NCKAP5: variants seen among roughly 807,000 people sequenced by gnomAD.
NCKAP5 encodes nck-associated protein 5.
NCKAP5 carries 92 observed loss-of-function variants against 167.0 expected under a neutral mutation model. That is an observed-to-expected ratio of 0.55 (90% CI 0.47 to 0.66). NCKAP5 has a LOEUF of 0.66. Among genes scored for constraint, NCKAP5 ranks in the 30% least tolerant of loss-of-function variants. The pLI is 0.00. For synonymous variants in NCKAP5, 891 were observed against 877.4 expected (o/e 1.02, Z -0.27); for missense variants, 2,378 against 2,315.0 (o/e 1.03, Z -0.56).
rs891324678 is a variant in NCKAP5, at chr2:133,058,124, G to GA, written c.342-63886dup. Among the ~76,000 whole-genome samples the GA allele has an allele frequency of 8.2e-4, 121 of 147,634 alleles. 1 individual carries two copies. Among genetic ancestry groups the GA allele is most frequent in the Admixed American group, 2.3e-3 (34 of 14,830 alleles). ...ACCCAGTGTTGAGACCTACTGCTTAGAAAAAAAAAAATTCCTTTCAAAATA... is the reference window on the plus strand; with the variant it reads ...ACCCAGTGTTGAGACCTACTGCTTAGAAAAAAAAAAAATTCCTTTCAAAATA... On this transcript the variant is annotated intron_variant, in intron 6 of 19. Coordinates refer to ENST00000409261, the MANE Select transcript of NCKAP5 (RefSeq NM_207363.3).
At chr2:133,459,540 A>C (rs1692075047) in intron 3 of NCKAP5, among the ~76,000 whole-genome samples, 1 of 152,186 alleles carries the variant, frequency 6.6e-6, no homozygotes, top group Admixed American at 6.5e-5. Flanking sequence ...CCTATGTATA[A>C]AGAAATATAC....
In NCKAP5 at chr2:133,148,034, C is replaced by T. The variant is rs78254721; in HGVS notation, c.208-17923G>A. Among the ~76,000 whole-genome samples the T allele has an allele frequency of 4.6e-3, 702 of 152,176 alleles. 1 individual carries two copies. The highest frequency in any genetic ancestry group is 0.016 in the African/African-American group (658 of 41,518). On this transcript the variant is annotated intron_variant, in intron 5 of 19. Coordinates refer to ENST00000409261, the MANE Select transcript of NCKAP5 (RefSeq NM_207363.3). ...GCAAATGTAATTGAGCCTCTAATAGCTGCTACTGATAGTAATTAAAGAAAT... is the reference window on the plus strand; with the variant it reads ...GCAAATGTAATTGAGCCTCTAATAGTTGCTACTGATAGTAATTAAAGAAAT...
intron 3 of NCKAP5, among the ~76,000 whole-genome samples, chr2:133,406,774 T>C (rs1183774042): frequency 1.3e-5 from 2 of 152,224 alleles, no homozygotes; most frequent in African/African-American, 2.4e-5. Context: ...ACACTGTCTA[T>C]ACTGTCCCAT....
intron 5 of NCKAP5, among the ~76,000 whole-genome samples, chr2:133,147,556 T>A (rs138296522): frequency 6.6e-6 from 1 of 152,248 alleles, no homozygotes; most frequent in East Asian, 1.9e-4. Context: ...AATTAGAGGT[T>A]ATGTGGACCC....
At chr2:133,549,981 A>G (rs1222783724) in intron 2 of NCKAP5, among the ~76,000 whole-genome samples, 7 of 150,448 alleles carry the variant, frequency 4.7e-5, no homozygotes, top group Non-Finnish European at 7.4e-5. Context: ...CTACGCAAAT[A>G]AACTAGAAAA....
chr2:133,653,566 A>G, the NCKAP5 span, among the ~76,000 whole-genome samples: 1 of 152,232 alleles, frequency 6.6e-6, no homozygotes, highest in East Asian at 1.9e-4. Flanking sequence ...TCCTTTCAAG[A>G]TGACCCTATT....
At chr2:132,723,599 G>A (rs537300293) in intron 19 of NCKAP5, among the ~76,000 whole-genome samples, 5 of 152,302 alleles carry the variant, frequency 3.3e-5, no homozygotes, top group Admixed American at 6.5e-5. Context: ...GCCCAAATGA[G>A]AACTCTTAGG....
At chr2:133,549,521 G>A (rs1464905083) in intron 2 of NCKAP5, among the ~76,000 whole-genome samples, 1 of 149,136 alleles carries the variant, frequency 6.7e-6, no homozygotes, top group Non-Finnish European at 1.5e-5. Context: ...AATGAAGGCA[G>A]AAATAAAGAT....
chr2:132,785,178 G>C lies in NCKAP5; in HGVS notation c.1633C>G (p.Pro545Ala). The change falls in exon 14 of 20, where the codon CCC becomes GCC. Residue 545 changes from proline (P) to alanine (A), a missense_variant. By Grantham distance (27) the Pro-to-Ala change is conservative. Around this residue, in one of 3 missense-constraint regions of NCKAP5, gnomAD observed 1,049 missense variants for 1,023.4 expected, o/e 1.02. Transcript: ENST00000409261. ...EKLTSCASSC[P>A]LEMKLCPSVQ... Reference sequence around the variant, plus strand: ...CTTGGGCACAGCTTCATCTCTAAGGGACAGCTGCTGGCGCAACTTGTCAGC... The same window carrying C: ...CTTGGGCACAGCTTCATCTCTAAGGCACAGCTGCTGGCGCAACTTGTCAGC... 1 of 1,588,208 alleles carries C rather than the reference G, an allele frequency of 6.3e-7. No homozygotes were observed. The highest frequency in any genetic ancestry group is 8.6e-7 in the Non-Finnish European group (1 of 1,168,978).
intron 6 of NCKAP5, among the ~76,000 whole-genome samples, chr2:133,016,338 C>CA (rs895830346): frequency 3.3e-5 from 5 of 151,820 alleles, no homozygotes; most frequent in East Asian, 3.9e-4. Context: ...GACAGTGGCA[C>CA]AAAAAAAGGT....
At chr2:133,261,195 C>G (rs1461257941) in intron 4 of NCKAP5, among the ~76,000 whole-genome samples, 2 of 151,870 alleles carry the variant, frequency 1.3e-5, no homozygotes, top group Non-Finnish European at 2.9e-5. Flanking sequence ...TGTAGGGGAT[C>G]AAGAGATTGT....
intron 6 of NCKAP5, among the ~76,000 whole-genome samples, chr2:133,128,091 GTGTT>G (rs1486077080): frequency 6.6e-6 from 1 of 152,114 alleles, no homozygotes; most frequent in African/African-American, 2.4e-5. Flanking sequence ...AGGCTCAACT[GTGTT>G]TGTTCTCTCC....
At chr2:132,909,876 T>C (rs549671550) in intron 8 of NCKAP5, among the ~76,000 whole-genome samples, 5 of 152,312 alleles carry the variant, frequency 3.3e-5, no homozygotes, top group Non-Finnish European at 7.4e-5. Flanking sequence ...AGCAAGCTCT[T>C]AAAAAGTCCT....
intron 19 of NCKAP5, among the ~76,000 whole-genome samples, chr2:132,686,470 G>A (rs960576238): frequency 4.6e-5 from 7 of 152,170 alleles, no homozygotes; most frequent in African/African-American, 1.7e-4. Context: ...GGCATGGTGG[G>A]TATTTACTGT....
chr2:132,732,958 T>A (rs1470662827), intron 16 of NCKAP5, among the ~76,000 whole-genome samples: 1 of 152,232 alleles, frequency 6.6e-6, no homozygotes, highest in African/African-American at 2.4e-5. Flanking sequence ...TCTTTCACTC[T>A]CACTTTATTC....
At chr2:132,970,211 A>C (rs2076791970) in intron 7 of NCKAP5, among the ~76,000 whole-genome samples, 1 of 152,228 alleles carries the variant, frequency 6.6e-6, no homozygotes, top group Non-Finnish European at 1.5e-5. Flanking sequence ...CCAAAAATAA[A>C]TAACTTATTT....
chr2:133,111,005 A>G (rs908828514), intron 6 of NCKAP5, among the ~76,000 whole-genome samples: 2 of 152,222 alleles, frequency 1.3e-5, no homozygotes, highest in Admixed American at 6.5e-5. Flanking sequence ...CTCTTGTTAC[A>G]AAGGCACCAT....
chr2:132,673,531 A>G (rs566390685), intron 19 of NCKAP5, among the ~76,000 whole-genome samples: 1 of 152,248 alleles, frequency 6.6e-6, no homozygotes, highest in Non-Finnish European at 1.5e-5. Context: ...CAATTTGCAA[A>G]TTAAGTGCCA....
chr2:132,714,456 A>G (rs1689161610), intron 19 of NCKAP5, among the ~76,000 whole-genome samples: 1 of 152,154 alleles, frequency 6.6e-6, no homozygotes, highest in African/African-American at 2.4e-5. Context: ...AGAAAGAGGC[A>G]AGGTGGGCAT....
Sources: gnomAD v4.1 joint callset for allele counts (sites outside exome capture counted in the v4.1 genomes callset) on GRCh38, gnomAD v4.1.1 for gene constraint, gnomAD v4.1.1 regional missense constraint, MANE v1.5 for transcripts, NCBI Gene and HGNC (gene_info 2026-07-23, HGNC 2026-07-21) for gene names.